Variants in UGT2B11 observed in about 807,000 individuals in gnomAD.
UGT2B11 encodes the protein UDP glucuronosyltransferase family 2 member B11, also known as UDP-glucuronosyltransferase 2B11.
In UGT2B11, 49 loss-of-function variants were observed where a neutral mutation model predicts 51.7. The observed-to-expected ratio is 0.95, with a 90% CI of 0.75 to 1.20. UGT2B11 has a LOEUF of 1.20. Ranked by LOEUF, UGT2B11 falls within the 50% of genes most tolerant of loss-of-function variation. UGT2B11 has a pLI of 0.00. For missense variants in UGT2B11, 810 were observed against 622.1 expected (o/e 1.30, Z -3.21); for synonymous variants, 273 against 209.0 (o/e 1.31, Z -2.64).
chr4:69,217,580 C>T (rs1410453556), upstream of UGT2B11, among the ~76,000 whole-genome samples: 2 of 151,978 alleles, frequency 1.3e-5, no homozygotes, highest in East Asian at 3.9e-4. Context: ...CTGCTGAAAG[C>T]TATCTAGTAT....
intron 2 of UGT2B11, among the ~76,000 whole-genome samples, chr4:69,209,933 T>C (rs1321303592): frequency 1.3e-5 from 2 of 151,506 alleles, no homozygotes; most frequent in South Asian, 2.1e-4. Flanking sequence ...GTATGAAAAG[T>C]TTTTTAAAAA....
intron 1 of UGT2B11, 105 bp from the exon 2 acceptor site, chr4:69,212,826 T>C (rs1722123707): frequency 4.0e-6 from 5 of 1,242,136 alleles, no homozygotes; most frequent in Non-Finnish European, 5.3e-6. Flanking sequence ...AGGTAAAGTT[T>C]ATGTGCTTTG....
intron 3 of UGT2B11, among the ~76,000 whole-genome samples, chr4:69,205,856 T>C (rs1210511005): frequency 6.6e-6 from 1 of 151,652 alleles, no homozygotes; most frequent in Non-Finnish European, 1.5e-5. Context: ...CTACCTGCAG[T>C]CAACCATCAT....
chr4:69,215,987 C>A (rs890334486), upstream of UGT2B11: 12 of 151,992 alleles, frequency 7.9e-5, no homozygotes, highest in African/African-American at 2.9e-4. Flanking sequence ...GAAAATGCAA[C>A]AGATTTTTCA....
intron 2 of UGT2B11, 102 bp downstream of exon 2, chr4:69,212,471 T>C: frequency 6.5e-7 from 1 of 1,541,008 alleles, no homozygotes; most frequent in African/African-American, 1.4e-5. Context: ...CTACTTCCCA[T>C]CTTTCTTTCA....
rs1172073629 is a variant in UGT2B11 at position 69,200,224 on chromosome 4, T to A, written c.*216A>T. 9 of 582,266 alleles carry A rather than the reference T, an allele frequency of 1.5e-5. No homozygotes were observed. Among genetic ancestry groups the A allele is most frequent in the African/African-American group, 7.8e-5 (4 of 51,434 alleles). The allele number at this position is 582,266 out of a possible 1,614,324, so 36.1% of individuals were successfully genotyped here. On this transcript the variant is annotated 3_prime_UTR_variant, in exon 6 of 6. Transcript: ENST00000446444. ...ATTATTTTTTAATTTTCCTAGTATT[T>A]TCTTCATTGCCACAAAATATTTCTA...
In UGT2B11 at chr4:69,214,071, G is replaced by T. The variant is rs755784332; in HGVS notation, c.652C>A (p.Leu218Ile). The T allele has an allele frequency of 1.4e-5, 22 of 1,609,064 alleles. No homozygotes were observed. The East Asian group carries it at 2.0e-4, about 15-fold the overall frequency. The change falls in exon 1 of 6, where the codon CTT becomes ATT. Residue 218 changes from leucine (L) to isoleucine (I), a missense_variant. Transcript: ENST00000446444. ...MERVKNMIYVLYFDFWFQMSD... is the reference protein window; with the variant it reads ...MERVKNMIYVIYFDFWFQMSD... ...ATTTGGAACCAAAAGTCAAAATAAA[G>T]CACATAGATCATATTTTTTACCCTC...
intron 2 of UGT2B11, among the ~76,000 whole-genome samples, chr4:69,208,760 G>C (rs28470680): frequency 4.6e-5 from 7 of 151,478 alleles, no homozygotes; most frequent in Non-Finnish European, 1.0e-4. Flanking sequence ...TTGTAGTCAG[G>C]GAGATAATGT....
Position 69,212,565 on chromosome 4 carries a change from A to G in UGT2B11, c.870+8T>C. 1.9e-6 allele frequency: 3 copies of G among 1,601,928 alleles called. No individual in the cohort carries two copies. The highest frequency in any genetic ancestry group is 2.6e-6 in the Non-Finnish European group (3 of 1,175,054). On this transcript the variant is annotated splice_region_variant and intron_variant, in intron 2 of 5. Coordinates refer to ENST00000446444, the MANE Select transcript of UGT2B11 (RefSeq NM_001073.3). ...CCAACAAAATAAAACCAACAAAAGT[A>G]TGTTTACCTTAGGTAGGGGTTTGGC...
the UGT2B11 span, among the ~76,000 whole-genome samples, chr4:69,221,676 G>C: frequency 6.6e-6 from 1 of 152,202 alleles, no homozygotes; most frequent in South Asian, 2.1e-4. Flanking sequence ...CTGGTTACAG[G>C]CTGTCCTAAG....
intron 3 of UGT2B11, among the ~76,000 whole-genome samples, chr4:69,207,306 G>A (rs4415023): frequency 0.8 from 121,589 of 151,446 alleles, 48,974 homozygotes; most frequent in Non-Finnish European, 0.82. Flanking sequence ...ACAATAATTT[G>A]CAGTGTTTAA....
At chr4:69,218,936 C>A (rs1722339926), upstream of UGT2B11, among the ~76,000 whole-genome samples, 1 of 152,126 alleles carries the variant, frequency 6.6e-6, no homozygotes, top group Non-Finnish European at 1.5e-5. Flanking sequence ...CCCCATCTAG[C>A]CAGAATTCCA....
intron 3 of UGT2B11, among the ~76,000 whole-genome samples, chr4:69,206,346 C>T (rs147417816): frequency 1.6e-4 from 25 of 151,766 alleles, no homozygotes; most frequent in African/African-American, 4.8e-4. Context: ...AGCTGGAGGC[C>T]GTTAGCCTTA....
At chr4:69,222,600 C>G in the UGT2B11 span, among the ~76,000 whole-genome samples, 2 of 152,198 alleles carry the variant, frequency 1.3e-5, no homozygotes. Context: ...CCCCAAATTA[C>G]CAGGCTGCTG....
chr4:69,204,378 C>A (rs990715916), intron 5 of UGT2B11, 52 bp downstream of exon 5: 14 of 1,604,916 alleles, frequency 8.7e-6, no homozygotes, highest in Non-Finnish European at 7.7e-6. Context: ...TCACTATTGA[C>A]AAGAGAAGCT....
the UGT2B11 span, among the ~76,000 whole-genome samples, chr4:69,221,028 A>G: frequency 3.9e-5 from 6 of 152,168 alleles, no homozygotes; most frequent in Non-Finnish European, 5.9e-5. Context: ...TCTGGCTCCT[A>G]CAATAAAAGG....
rs547241392 is a variant in UGT2B11, at chr4:69,213,869, T to A, written c.721+133A>T. ...CTATAATGTTTGTGAGATTGATAGA[T>A]CATCTTGTATTTTCATTTCATAAAT... On this transcript the variant is annotated intron_variant, in intron 1 of 5. Transcript: ENST00000446444. The A allele has an allele frequency of 2.4e-6, 3 of 1,260,328 alleles. No homozygotes were observed. The East Asian group carries it at 7.8e-5, about 33-fold the overall frequency. 78.1% of individuals were successfully genotyped at this position (1,260,328 alleles called of 1,614,324 possible).
chr4:69,220,635 T>G, the UGT2B11 span, among the ~76,000 whole-genome samples: 1 of 151,236 alleles, frequency 6.6e-6, no homozygotes, highest in East Asian at 2.0e-4. Context: ...GTAGGATGGC[T>G]GTCACAGGCC....
chr4:69,210,980 A>G (rs1722038774), intron 2 of UGT2B11: 1 of 151,622 alleles, frequency 6.6e-6, no homozygotes. Context: ...TATTGAAACT[A>G]AGGGCACTAT....
Sources: allele counts gnomAD v4.1 joint callset (sites outside exome capture counted in the v4.1 genomes callset), GRCh38; gene constraint gnomAD v4.1.1; transcripts MANE v1.5; gene names NCBI Gene and HGNC (gene_info 2026-07-23, HGNC 2026-07-21).